CFAP77: variants seen among roughly 807,000 people sequenced by gnomAD.
CFAP77 encodes cilia and flagella associated protein 77, also known as cilia- and flagella-associated protein 77.
In CFAP77, 25 loss-of-function variants were observed where a neutral mutation model predicts 31.1. That is an observed-to-expected ratio of 0.80 (90% CI 0.59 to 1.12). The LOEUF is 1.12. Ranked by LOEUF, CFAP77 falls within the 50% of genes most tolerant of loss-of-function variation. The pLI is 0.00. For missense variants in CFAP77, 377 were observed against 397.3 expected (o/e 0.95, Z 0.44); for synonymous variants, 151 against 159.9 (o/e 0.94, Z 0.42).
At chr9:132,426,350 G>A (rs1850311375) in intron 1 of CFAP77, among the ~76,000 whole-genome samples, 1 of 152,162 alleles carries the variant, frequency 6.6e-6, no homozygotes, top group African/African-American at 2.4e-5. Context: ...TTATTTCCTT[G>A]CATGATCCCG....
chr9:132,566,659 G>GGGCC (rs754928491), intron 5 of CFAP77, among the ~76,000 whole-genome samples: 27 of 152,124 alleles, frequency 1.8e-4, no homozygotes, highest in Admixed American at 2.0e-4. Context: ...TCTTTCTAAA[G>GGGCC]GGCCCATCCC....
intron 1 of CFAP77, among the ~76,000 whole-genome samples, chr9:132,454,931 C>T (rs1469025743): frequency 1.3e-5 from 2 of 152,104 alleles, no homozygotes; most frequent in Middle Eastern, 6.3e-3. Context: ...TTCAAAGTCC[C>T]CTTAAGTCAG....
intron 5 of CFAP77, among the ~76,000 whole-genome samples, chr9:132,567,752 A>G (rs1829902525): frequency 6.6e-6 from 1 of 152,158 alleles, no homozygotes; most frequent in Non-Finnish European, 1.5e-5. Context: ...GGCTCTAGGG[A>G]CAATCCTCCC....
At position 132,497,076 on chromosome 9, in the gene CFAP77, C is replaced by T. The variant is rs1207288291; in HGVS notation, c.196-1619C>T. On this transcript the variant is annotated intron_variant, in intron 1 of 5. Transcript: ENST00000393216. The surrounding 1 kb of genome is among the most constrained non-coding windows in gnomAD (Gnocchi z 4.9). ...GTAAGGGTGGGCCTTGAGCAAAGAGCAATGGAGGTGGCTGGGATGCCTGCG... is the reference window on the plus strand; with the variant it reads ...GTAAGGGTGGGCCTTGAGCAAAGAGTAATGGAGGTGGCTGGGATGCCTGCG... Among the ~76,000 whole-genome samples, 1 of 151,252 alleles carries T rather than the reference C, an allele frequency of 6.6e-6. No individual in the cohort carries two copies. The highest frequency in any genetic ancestry group is 1.5e-5 in the Non-Finnish European group (1 of 67,974).
intron 1 of CFAP77, among the ~76,000 whole-genome samples, chr9:132,416,524 G>A (rs1850103075): frequency 1.3e-5 from 2 of 151,518 alleles, no homozygotes; most frequent in African/African-American, 4.9e-5. Flanking sequence ...AAGTTTTTTA[G>A]TAGAGACAGG....
intron 5 of CFAP77, among the ~76,000 whole-genome samples, chr9:132,543,890 G>A (rs997659986): frequency 7.9e-5 from 12 of 152,176 alleles, no homozygotes; most frequent in African/African-American, 4.8e-5. Context: ...GGCACCGTAC[G>A]GAGAAAGGGA....
At chr9:132,446,722 CAG>C (rs921238666) in intron 1 of CFAP77, among the ~76,000 whole-genome samples, 1 of 115,718 alleles carries the variant, frequency 8.6e-6, no homozygotes, top group Non-Finnish European at 1.6e-5. Flanking sequence ...GCCTGGGCGA[CAG>C]AGCAAAACTC....
chr9:132,484,814 C>T (rs1011441342), intron 1 of CFAP77, among the ~76,000 whole-genome samples: 1 of 150,736 alleles, frequency 6.6e-6, no homozygotes, highest in Admixed American at 6.6e-5. Context: ...AGTGGCATTG[C>T]TGGGTCATAT....
At chr9:132,489,073 TCC>T (rs1851612655) in intron 1 of CFAP77, among the ~76,000 whole-genome samples, 1 of 152,154 alleles carries the variant, frequency 6.6e-6, no homozygotes, top group East Asian at 1.9e-4. Context: ...GGGATTTTTC[TCC>T]GTTTGCCTCT....
intron 5 of CFAP77, among the ~76,000 whole-genome samples, chr9:132,553,051 A>C (rs974272064): frequency 2.6e-5 from 4 of 152,126 alleles, no homozygotes; most frequent in Admixed American, 2.6e-4. Context: ...AGATCTGGAG[A>C]CTATAAGTCC....
Position 132,517,514 on chromosome 9 carries a change from G to T in CFAP77, c.524+17914G>T, listed in dbSNP as rs1394260073. Among the ~76,000 whole-genome samples, 2 of 152,202 alleles carry T rather than the reference G, an allele frequency of 1.3e-5. No homozygotes were observed. Among genetic ancestry groups the T allele is most frequent in the Non-Finnish European group, 2.9e-5 (2 of 68,034 alleles). On this transcript the variant is annotated intron_variant, in intron 3 of 5. Transcript: ENST00000393216. This position sits in a 1 kb window ranked among gnomAD's most constrained non-coding sequence, Gnocchi z 4.7. The stretch of plus-strand genomic sequence containing the variant: ...TATTTTAGCCTGCTGTGAACGGAGA[G>T]CCGTACTAAAATCCAGTTTGTCAGA...
At chr9:132,558,143 G>A (rs567414071) in intron 5 of CFAP77, among the ~76,000 whole-genome samples, 28 of 152,232 alleles carry the variant, frequency 1.8e-4, no homozygotes, top group African/African-American at 6.5e-4. Context: ...CCTTAGAGAG[G>A]TCATGAAAAT....
At chr9:132,516,590 T>TACACAC (rs34683089) in intron 3 of CFAP77, among the ~76,000 whole-genome samples, 16,103 of 144,940 alleles carry the variant, frequency 0.11, 874 homozygotes, top group Middle Eastern at 0.14. Context: ...CACACAGAAA[T>TACACAC]ACACACACAC....
intron 1 of CFAP77, among the ~76,000 whole-genome samples, chr9:132,496,027 A>C (rs1322805492): frequency 1.3e-5 from 2 of 152,234 alleles, no homozygotes; most frequent in Non-Finnish European, 2.9e-5. Context: ...GCTGACTAAG[A>C]CATAGTATTT....
chr9:132,423,517 C>T (rs1043187589), intron 1 of CFAP77, among the ~76,000 whole-genome samples: 3 of 152,206 alleles, frequency 2.0e-5, no homozygotes, highest in African/African-American at 7.2e-5. Context: ...TCCCATTTTA[C>T]AGATGGGGAA....
intron 1 of CFAP77, among the ~76,000 whole-genome samples, chr9:132,454,873 T>C (rs1850886573): frequency 6.6e-6 from 1 of 152,162 alleles, no homozygotes; most frequent in Non-Finnish European, 1.5e-5. Flanking sequence ...AATCAGTCAG[T>C]GACTTGAGCC....
At chr9:132,521,820 A>G (rs11788397) in intron 3 of CFAP77, among the ~76,000 whole-genome samples, 2,892 of 129,656 alleles carry the variant, frequency 0.022, 42 homozygotes, top group Non-Finnish European at 0.034. Flanking sequence ...AGGCTGGAGT[A>G]TAGTGGCAAA....
intron 5 of CFAP77, among the ~76,000 whole-genome samples, chr9:132,555,631 G>A (rs768000170): frequency 1.3e-5 from 2 of 152,136 alleles, no homozygotes; most frequent in African/African-American, 2.4e-5. Flanking sequence ...TTGGAGCTCT[G>A]GAATTTGATG....
At chr9:132,519,400 G>C (rs188399192) in intron 3 of CFAP77, among the ~76,000 whole-genome samples, 1 of 125,976 alleles carries the variant, frequency 7.9e-6, no homozygotes, top group Non-Finnish European at 1.7e-5. Flanking sequence ...GGATGGGTGG[G>C]CGGGTGGGTA....
Sources: allele counts gnomAD v4.1 joint callset (sites outside exome capture counted in the v4.1 genomes callset), GRCh38; gene constraint gnomAD v4.1.1; non-coding constraint Gnocchi (gnomAD v3.1); transcripts MANE v1.5; gene names NCBI Gene and HGNC (gene_info 2026-07-23, HGNC 2026-07-21).